The following PIK3CB variants were observed in gnomAD, a reference collection of about 807,000 sequenced individuals.
PIK3CB encodes phosphatidylinositol-4,5-bisphosphate 3-kinase catalytic subunit beta, also known as phosphatidylinositol 4,5-bisphosphate 3-kinase catalytic subunit beta isoform.
In PIK3CB, 39 loss-of-function variants were observed where a neutral mutation model predicts 136.8. The observed-to-expected ratio is 0.29, with a 90% CI of 0.22 to 0.37. PIK3CB has a LOEUF of 0.37. Ranked by LOEUF, PIK3CB falls within the 10% of genes least tolerant of loss-of-function variation. The pLI is 1.00. For synonymous variants in PIK3CB, 428 were observed against 436.6 expected, an observed-to-expected ratio of 0.98 and a Z score of 0.25; for missense variants, 868 against 1,275.4, an observed-to-expected ratio of 0.68 and a Z score of 4.87.
chr3:138,735,593 G>A (rs2045085882), intron 6 of PIK3CB, among the ~76,000 whole-genome samples: 1 of 152,118 alleles, frequency 6.6e-6, no homozygotes, highest in Non-Finnish European at 1.5e-5. Flanking sequence ...AGTATTACCA[G>A]CCGTCTTCCC....
chr3:138,832,418 G>A (rs904727164), intron 1 of PIK3CB, among the ~76,000 whole-genome samples: 3 of 151,898 alleles, frequency 2.0e-5, no homozygotes, highest in African/African-American at 7.3e-5. Flanking sequence ...TCGGCCGGTC[G>A]CGGTGGTTCA....
At chr3:138,816,635 A>T (rs1036104072) in intron 1 of PIK3CB, among the ~76,000 whole-genome samples, 2 of 151,720 alleles carry the variant, frequency 1.3e-5, no homozygotes. Flanking sequence ...AATATAAATT[A>T]AAAAATAAAA....
intron 4 of PIK3CB, among the ~76,000 whole-genome samples, chr3:138,747,101 T>TAC (rs1559858956): frequency 2.2e-5 from 2 of 92,724 alleles, no homozygotes; most frequent in African/African-American, 9.6e-5. Context: ...TATATATATA[T>TAC]ATATATATAT....
intron 1 of PIK3CB, among the ~76,000 whole-genome samples, chr3:138,828,023 T>C (rs1479832131): frequency 6.6e-6 from 1 of 151,632 alleles, no homozygotes; most frequent in East Asian, 1.9e-4. Flanking sequence ...AGGTACCTGA[T>C]AGAATAATAA....
chr3:138,710,796 T>C (rs987340582), intron 10 of PIK3CB, among the ~76,000 whole-genome samples: 3 of 151,988 alleles, frequency 2.0e-5, no homozygotes, highest in African/African-American at 7.2e-5. Context: ...AAAGAAAAAG[T>C]GTTTTAGGCT....
intron 13 of PIK3CB, among the ~76,000 whole-genome samples, chr3:138,695,153 G>GA (rs199809507): frequency 0.014 from 2,157 of 152,172 alleles, 45 homozygotes; most frequent in Middle Eastern, 0.048. Flanking sequence ...GGGTGAGAGA[G>GA]AAAAAAATGT....
rs967519356 is a variant in PIK3CB, at chr3:138,753,334, A to C, written c.397+2420T>G. On this transcript the variant is annotated intron_variant, in intron 4 of 23. Transcript: ENST00000674063. Reference sequence around the variant, plus strand: ...TCAGGAGTTTGAGACCAGCCTGTCCAACATGGTGAAACCCTGTCTCTAATA... The same window carrying C: ...TCAGGAGTTTGAGACCAGCCTGTCCCACATGGTGAAACCCTGTCTCTAATA... Among the ~76,000 whole-genome samples, 4 of 152,296 alleles carry C rather than the reference A, an allele frequency of 2.6e-5. No homozygotes were observed. In the East Asian group the frequency reaches 7.7e-4, roughly 29 times the overall value.
Position 138,653,056 on chromosome 3 carries a change from C to T in PIK3CB, c.*2333G>A, listed in dbSNP as rs145316368. On this transcript the variant is annotated 3_prime_UTR_variant, in exon 24 of 24. Coordinates refer to ENST00000674063, the MANE Select transcript of PIK3CB (RefSeq NM_006219.3). ...ACAAACGATGCATAATATGTAAACACAGAATACTATAAATCATTGCGGATA... is the reference window on the plus strand; with the variant it reads ...ACAAACGATGCATAATATGTAAACATAGAATACTATAAATCATTGCGGATA... The T allele has an allele frequency of 3.5e-3, 699 of 199,978 alleles. 6 individuals carry two copies. Among genetic ancestry groups the T allele is most frequent in the African/African-American group, 0.015 (672 of 43,664 alleles). 12.4% of individuals were successfully genotyped at this position (199,978 alleles called of 1,614,324 possible).
intron 13 of PIK3CB, among the ~76,000 whole-genome samples, chr3:138,695,313 G>A (rs1229302458): frequency 6.6e-6 from 1 of 152,138 alleles, no homozygotes; most frequent in Non-Finnish European, 1.5e-5. Flanking sequence ...CAAGATCACT[G>A]CTGTAAAACT....
chr3:138,675,653 CATA>C (rs2043628731), intron 19 of PIK3CB, among the ~76,000 whole-genome samples: 1 of 152,076 alleles, frequency 6.6e-6, no homozygotes, highest in Non-Finnish European at 1.5e-5. Flanking sequence ...AGTGGGATGA[CATA>C]TTAGACATGC....
At chr3:138,801,381 T>C (rs1329976663) in intron 1 of PIK3CB, among the ~76,000 whole-genome samples, 5 of 152,160 alleles carry the variant, frequency 3.3e-5, no homozygotes, top group African/African-American at 1.2e-4. Context: ...ATTAAATGGA[T>C]AAAATTACCT....
chr3:138,667,466 T>C (rs2108432240), intron 19 of PIK3CB, among the ~76,000 whole-genome samples: 1 of 152,214 alleles, frequency 6.6e-6, no homozygotes, highest in Admixed American at 6.5e-5. Flanking sequence ...TGTGTTAGCA[T>C]GTATCACAAT....
At chr3:138,727,251 A>T (rs930141896) in intron 8 of PIK3CB, among the ~76,000 whole-genome samples, 2 of 152,196 alleles carry the variant, frequency 1.3e-5, no homozygotes, top group Non-Finnish European at 2.9e-5. Flanking sequence ...GATCTCTCAG[A>T]CTGCAAATAC....
At chr3:138,823,461 T>C (rs1933649466) in intron 1 of PIK3CB, among the ~76,000 whole-genome samples, 1 of 150,274 alleles carries the variant, frequency 6.7e-6, no homozygotes, top group Admixed American at 6.6e-5. Flanking sequence ...TCCCAGCACT[T>C]TGGGAGGTAG....
At chr3:138,707,133 A>G in intron 11 of PIK3CB, 26 bp downstream of exon 11, 1 of 1,272,920 alleles carries the variant, frequency 7.9e-7, no homozygotes, top group Non-Finnish European at 1.1e-6. Context: ...TTTCATGCAT[A>G]GAGGTCCTTT....
At chr3:138,805,974 C>A (rs2046230027) in intron 1 of PIK3CB, among the ~76,000 whole-genome samples, 1 of 151,584 alleles carries the variant, frequency 6.6e-6, no homozygotes, top group Non-Finnish European at 1.5e-5. Flanking sequence ...GTGATCCTCC[C>A]ACCTTGGCCT....
intron 1 of PIK3CB, among the ~76,000 whole-genome samples, chr3:138,813,736 A>G (rs1933179453): frequency 6.6e-6 from 1 of 152,170 alleles, no homozygotes; most frequent in Non-Finnish European, 1.5e-5. Context: ...CCTACTCTAT[A>G]CCAGGCATTA....
At chr3:138,772,769 C>T (rs1308432415) in intron 2 of PIK3CB, among the ~76,000 whole-genome samples, 9 of 148,028 alleles carry the variant, frequency 6.1e-5, no homozygotes, top group Non-Finnish European at 8.9e-5. Flanking sequence ...CCAAAGCACC[C>T]GGCTATTTAT....
intron 4 of PIK3CB, among the ~76,000 whole-genome samples, chr3:138,746,468 G>A (rs995046860): frequency 3.9e-5 from 6 of 152,130 alleles, no homozygotes; most frequent in African/African-American, 1.4e-4. Context: ...AGACCATCCT[G>A]GCTAACATGG....
Sources: gnomAD v4.1 joint callset for allele counts (sites outside exome capture counted in the v4.1 genomes callset) on GRCh38, gnomAD v4.1.1 for gene constraint, MANE v1.5 for transcripts, NCBI Gene and HGNC (gene_info 2026-07-23, HGNC 2026-07-21) for gene names.